The following FOXP1 variants were observed in gnomAD, a reference collection of about 807,000 sequenced individuals.
FOXP1 encodes forkhead box P1, also known as forkhead box protein P1.
Under a neutral mutation model 98.2 loss-of-function variants are expected in FOXP1, and 15 were observed. The ratio of observed to expected loss-of-function variants is 0.15; its 90% CI spans 0.10 to 0.24. The LOEUF is 0.24. Among genes scored for constraint, FOXP1 ranks in the 10% least tolerant of loss-of-function variants. The probability of loss-of-function intolerance (pLI) is 1.00; values close to 1 mark genes in which losing one functional copy is unlikely to be tolerated. For synonymous variants in FOXP1, 371 were observed against 314.5 expected, an observed-to-expected ratio of 1.18 and a Z score of -1.90; for missense variants, 633 against 848.5, an observed-to-expected ratio of 0.75 and a Z score of 3.15.
At chr3:71,533,169 G>A (rs1159057372) in intron 2 of FOXP1, among the ~76,000 whole-genome samples, 1 of 152,136 alleles carries the variant, frequency 6.6e-6, no homozygotes, top group Non-Finnish European at 1.5e-5. Context: ...TTTCACAACT[G>A]TTAATTAGGC....
At chr3:71,325,252 C>G (rs539301361) in intron 4 of FOXP1, among the ~76,000 whole-genome samples, 30 of 152,144 alleles carry the variant, frequency 2.0e-4, no homozygotes, top group Non-Finnish European at 4.4e-4. Flanking sequence ...GGGGTTTCAC[C>G]ATGTTGGCCA....
rs1200081661 is a variant in FOXP1 at position 71,327,410 on chromosome 3, C to T, written c.-72-27530G>A. 1.6e-3 allele frequency among the ~76,000 whole-genome samples: 14 copies of T among 8,744 alleles called. 1 individual carries two copies. In the Admixed American group the frequency reaches 0.024, roughly 15 times the overall value. 5.7% of individuals were successfully genotyped at this position (8,744 alleles called of 152,430 possible). On this transcript the variant is annotated intron_variant, in intron 4 of 20. Coordinates refer to ENST00000649528, the MANE Select transcript of FOXP1 (RefSeq NM_001349338.3). ...AATTTTTTTTTTTTTTTTTTTTAGA[C>T]GGAGTCTCCCTCTGTCACCCAGGCT... is the stretch of plus-strand genomic sequence containing the variant.
intron 7 of FOXP1, among the ~76,000 whole-genome samples, chr3:71,096,046 T>A (rs1450445820): frequency 6.6e-6 from 1 of 152,200 alleles, no homozygotes; most frequent in East Asian, 1.9e-4. Context: ...CAATGCTACA[T>A]CCTGCATAAA....
intron 6 of FOXP1, chr3:71,130,596 G>T: frequency 6.3e-7 from 1 of 1,598,256 alleles, no homozygotes; most frequent in South Asian, 1.1e-5. Flanking sequence ...TGCGAAGCGG[G>T]GGTTGCCGAG....
intron 3 of FOXP1, among the ~76,000 whole-genome samples, chr3:71,362,108 G>C (rs989619489): frequency 2.0e-5 from 3 of 152,188 alleles, no homozygotes; most frequent in African/African-American, 7.2e-5. Context: ...GCCAAGAGCA[G>C]CTTCCATCTC....
intron 3 of FOXP1, among the ~76,000 whole-genome samples, chr3:71,403,519 G>A (rs1242785709): frequency 6.6e-6 from 1 of 152,256 alleles, no homozygotes; most frequent in East Asian, 1.9e-4. Flanking sequence ...CGTGCCTCAT[G>A]TTTATAGGAA....
At chr3:71,565,339 C>G (rs1409187960) in intron 2 of FOXP1, among the ~76,000 whole-genome samples, 1 of 152,108 alleles carries the variant, frequency 6.6e-6, no homozygotes, top group African/African-American at 2.4e-5. Flanking sequence ...ACCTTTGAAA[C>G]AGTACTTTAT....
intron 7 of FOXP1, among the ~76,000 whole-genome samples, chr3:71,084,734 T>A (rs1397222645): frequency 6.6e-6 from 1 of 152,164 alleles, no homozygotes; most frequent in Non-Finnish European, 1.5e-5. Flanking sequence ...AATGATTTTT[T>A]AAAATAAATC....
chr3:70,994,413 T>C (rs2041076935), intron 13 of FOXP1, among the ~76,000 whole-genome samples: 1 of 152,268 alleles, frequency 6.6e-6, no homozygotes, highest in East Asian at 1.9e-4. Flanking sequence ...AAGAGCAATA[T>C]ATCCTTCCAC....
intron 13 of FOXP1, among the ~76,000 whole-genome samples, chr3:70,995,066 C>T (rs1385479972): frequency 6.6e-6 from 1 of 151,152 alleles, no homozygotes; most frequent in Non-Finnish European, 1.5e-5. Context: ...CAGATGGTTT[C>T]CCCTTTTCCC....
chr3:71,012,492 C>G (rs1177239121), intron 12 of FOXP1, among the ~76,000 whole-genome samples: 1 of 152,108 alleles, frequency 6.6e-6, no homozygotes, highest in Non-Finnish European at 1.5e-5. Context: ...TTTTGGACAT[C>G]TCTTTTAAAA....
intron 3 of FOXP1, among the ~76,000 whole-genome samples, chr3:71,436,235 T>C (rs2085341622): frequency 6.6e-6 from 1 of 152,048 alleles, no homozygotes; most frequent in Admixed American, 6.6e-5. Context: ...AGCAGTTTCA[T>C]TTGGAAAACT....
At chr3:71,374,577 A>T (rs1301902454) in intron 3 of FOXP1, among the ~76,000 whole-genome samples, 2 of 149,652 alleles carry the variant, frequency 1.3e-5, no homozygotes, top group African/African-American at 4.9e-5. Flanking sequence ...TAGGTAACAC[A>T]GCAAGAGACT....
At chr3:71,283,208 A>T (rs2071747343) in intron 5 of FOXP1, among the ~76,000 whole-genome samples, 1 of 152,210 alleles carries the variant, frequency 6.6e-6, no homozygotes, top group South Asian at 2.1e-4. Flanking sequence ...ATGAATAAGA[A>T]TGAGCTGCTT....
intron 11 of FOXP1, among the ~76,000 whole-genome samples, chr3:71,026,048 G>C (rs954188657): frequency 2.6e-5 from 4 of 152,156 alleles, no homozygotes; most frequent in African/African-American, 9.7e-5. Flanking sequence ...TGAAAAATGA[G>C]AAAAACCTAT....
chr3:71,354,150 C>CAAAAAA (rs541215729), intron 4 of FOXP1, among the ~76,000 whole-genome samples: 60 of 129,086 alleles, frequency 4.6e-4, no homozygotes, highest in African/African-American at 1.8e-3. Flanking sequence ...ATTAAAAATA[C>CAAAAAA]AAAAAAAAAA....
intron 13 of FOXP1, among the ~76,000 whole-genome samples, chr3:70,993,500 C>G (rs2040921717): frequency 6.6e-6 from 1 of 152,236 alleles, no homozygotes; most frequent in South Asian, 2.1e-4. Context: ...TGGCATTAAA[C>G]AAGTTAATCA....
At chr3:71,481,426 G>T (rs561186202) in intron 3 of FOXP1, among the ~76,000 whole-genome samples, 1 of 152,148 alleles carries the variant, frequency 6.6e-6, no homozygotes, top group Non-Finnish European at 1.5e-5. Flanking sequence ...CATATCAAAG[G>T]TTCTACATCT....
At chr3:71,498,233 C>G (rs1230554375) in intron 2 of FOXP1, among the ~76,000 whole-genome samples, 7 of 152,152 alleles carry the variant, frequency 4.6e-5, no homozygotes. Context: ...CAGGTAGAGG[C>G]AGAAACAAAA....
Sources: gnomAD v4.1 joint callset for allele counts (sites outside exome capture counted in the v4.1 genomes callset) on GRCh38, gnomAD v4.1.1 for gene constraint, MANE v1.5 for transcripts, NCBI Gene and HGNC (gene_info 2026-07-23, HGNC 2026-07-21) for gene names.